The following DPP8 variants were observed in gnomAD, a reference collection of about 807,000 sequenced individuals.
The protein encoded by DPP8 is dipeptidyl peptidase 8, also known as DPP VIII.
Under a neutral mutation model 107.5 loss-of-function variants are expected in DPP8, and 31 were observed. The ratio of observed to expected loss-of-function variants is 0.29; its 90% CI spans 0.22 to 0.39. The LOEUF (loss-of-function observed/expected upper bound fraction) is 0.39. Among genes scored for constraint, DPP8 ranks in the 10% least tolerant of loss-of-function variants. DPP8 has a pLI of 1.00. For missense variants in DPP8, 842 were observed against 1,076.1 expected (o/e 0.78, Z 3.04); for synonymous variants, 381 against 356.6 (o/e 1.07, Z -0.77).
At chr15:65,476,579 G>A (rs1019436080) in intron 11 of DPP8, among the ~76,000 whole-genome samples, 2 of 152,190 alleles carry the variant, frequency 1.3e-5, no homozygotes, top group African/African-American at 2.4e-5. Context: ...TGGGGTAGCA[G>A]TAGCCACTAC....
intron 19 of DPP8, among the ~76,000 whole-genome samples, chr15:65,448,125 C>T (rs1057478648): frequency 1.6e-4 from 24 of 152,140 alleles, no homozygotes; most frequent in African/African-American, 5.1e-4. Context: ...AGCCCATTCC[C>T]TGTAGTCTCA....
intron 1 of DPP8, chr15:65,515,715 A>G (rs753981560): frequency 3.7e-6 from 6 of 1,612,202 alleles, no homozygotes; most frequent in Non-Finnish European, 5.1e-6. Flanking sequence ...TTTTCAAGTG[A>G]CTCGACTTCA....
intron 12 of DPP8, among the ~76,000 whole-genome samples, chr15:65,470,113 T>C (rs1303916923): frequency 7.0e-5 from 10 of 143,630 alleles, no homozygotes; most frequent in Admixed American, 1.5e-4. Context: ...GAGAATCACT[T>C]GAACCTAGGA....
chr15:65,475,910 G>T (rs1425809264), intron 11 of DPP8, among the ~76,000 whole-genome samples: 1 of 152,006 alleles, frequency 6.6e-6, no homozygotes, highest in South Asian at 2.1e-4. Context: ...CACCACACTT[G>T]GTTAATTTTT....
At chr15:65,505,978 T>C (rs1313498559) in intron 3 of DPP8, among the ~76,000 whole-genome samples, 2 of 148,046 alleles carry the variant, frequency 1.4e-5, no homozygotes, top group African/African-American at 2.5e-5. Context: ...TTAGTTGTTA[T>C]AAAAGTTTTT....
At position 65,446,798 on chromosome 15, in the gene DPP8, T is replaced by C. The variant is rs918527857; in HGVS notation, c.*86A>G. The stretch of plus-strand genomic sequence containing the variant: ...TTACATGGCAGGTATCAAAATGTGA[T>C]GATCAATTCTGTGTTTTCTGTTGAT... On this transcript the variant is annotated 3_prime_UTR_variant, in exon 20 of 20. Transcript: ENST00000300141. 3.0e-6 allele frequency: 4 copies of C among 1,339,742 alleles called. No homozygotes were observed. Among genetic ancestry groups the C allele is most frequent in the South Asian group, 1.5e-5 (1 of 65,346 alleles). The allele number at this position is 1,339,742 out of a possible 1,614,324, so 83.0% of individuals were successfully genotyped here.
intron 11 of DPP8, chr15:65,475,200 T>C (rs923825463): frequency 4.4e-6 from 2 of 458,866 alleles, no homozygotes; most frequent in African/African-American, 2.0e-5. Flanking sequence ...GTGATATTTC[T>C]GCCAGGATAC....
intron 19 of DPP8, among the ~76,000 whole-genome samples, chr15:65,447,987 CAGA>C (rs982314196): frequency 6.6e-6 from 1 of 152,080 alleles, no homozygotes; most frequent in African/African-American, 2.4e-5. Flanking sequence ...CAGTATTTTC[CAGA>C]AGGCCAATGC....
intron 2 of DPP8, among the ~76,000 whole-genome samples, chr15:65,511,430 A>G (rs879484903): frequency 1.3e-5 from 2 of 149,498 alleles, no homozygotes; most frequent in African/African-American, 4.9e-5. Flanking sequence ...CGAAGTTTTT[A>G]AAAAAAAAAT....
chr15:65,490,444 A>G, intron 5 of DPP8, 145 bp from the exon 6 acceptor site: 1 of 656,598 alleles, frequency 1.5e-6, no homozygotes, highest in East Asian at 2.7e-5. Context: ...TCTGGGGTCC[A>G]TAATGTCTGA....
intron 12 of DPP8, 105 bp downstream of exon 12, chr15:65,474,104 C>A: frequency 1.2e-6 from 1 of 860,826 alleles, no homozygotes; most frequent in South Asian, 1.4e-5. Context: ...GACTCTGTCT[C>A]GGAAAAAAAA....
rs1237145056 is a variant in DPP8 at position 65,467,355 on chromosome 15, T to A, written c.1537-132A>T. On this transcript the variant is annotated intron_variant, in intron 12 of 19. Coordinates refer to ENST00000300141, the MANE Select transcript of DPP8 (RefSeq NM_130434.5). ...TTTTTTCTTTTTTTTGCTGCCACTA[T>A]TAATAAACCTGAGTTAATTTTGCTT... 4 of 795,270 alleles carry A rather than the reference T, an allele frequency of 5.0e-6. No homozygotes were observed. In the East Asian group the frequency reaches 1.1e-4, roughly 21 times the overall value. The allele number at this position is 795,270 out of a possible 1,614,324, so 49.3% of individuals were successfully genotyped here. A position where few individuals can be genotyped will look rare whatever the true frequency, so the allele number is the denominator to read the frequency against.
At chr15:65,454,220 T>A in intron 17 of DPP8, 43 bp downstream of exon 17, 1 of 1,378,652 alleles carries the variant, frequency 7.3e-7, no homozygotes, top group Non-Finnish European at 9.5e-7. Flanking sequence ...TACAGAAAAA[T>A]CTACCCTTAT....
chr15:65,449,977 T>A lies in DPP8; in HGVS notation c.2526+1022A>T, dbSNP rs186632760. Among the ~76,000 whole-genome samples the A allele has an allele frequency of 2.1e-3, 218 of 103,704 alleles. No homozygotes were observed. The East Asian group carries it at 0.022, about 11-fold the overall frequency. The allele number at this position is 103,704 out of a possible 152,430, so 68.0% of individuals were successfully genotyped here. On this transcript the variant is annotated intron_variant, in intron 19 of 19. Coordinates refer to ENST00000300141, the MANE Select transcript of DPP8 (RefSeq NM_130434.5). ...ATAGTTTATTATTATTATTATTATT[T>A]TTTTTTTGAGACGGAGTTTCACTCT... is the stretch of plus-strand genomic sequence containing the variant.
intron 5 of DPP8, among the ~76,000 whole-genome samples, chr15:65,494,996 G>C (rs990850678): frequency 1.3e-5 from 2 of 152,096 alleles, no homozygotes; most frequent in African/African-American, 4.8e-5. Flanking sequence ...CCACTCAACT[G>C]TTAAAAACCT....
At chr15:65,461,995 G>T (rs1024851793) in intron 15 of DPP8, among the ~76,000 whole-genome samples, 4 of 151,736 alleles carry the variant, frequency 2.6e-5, no homozygotes, top group African/African-American at 9.7e-5. Context: ...TTGAGACAGG[G>T]TCTTACTCTG....
At chr15:65,451,822 G>C in intron 18 of DPP8, 138 bp downstream of exon 18, 2 of 821,682 alleles carry the variant, frequency 2.4e-6, no homozygotes, top group Non-Finnish European at 1.8e-6. Flanking sequence ...GCTACTCGGG[G>C]GCTGAGGTGG....
rs778263996 is a variant in DPP8, at chr15:65,456,242, C to A, written c.2101G>T (p.Ala701Ser). The A allele has an allele frequency of 2.5e-6, 4 of 1,607,988 alleles. No individual in the cohort carries two copies. Among genetic ancestry groups the A allele is most frequent in the Non-Finnish European group, 2.5e-6 (3 of 1,178,612 alleles). ...SCHRGLKFEGAFKYKMGQIEI... is the reference protein window; with the variant it reads ...SCHRGLKFEGSFKYKMGQIEI... ...TCACACACCATTTTATATTTAAAGG[C>A]GCCTTCAAATTTAAGCCCTCGGTGA... Residue 701 changes from alanine (A) to serine (S), a missense_variant, in exon 16 of 20, where the codon GCC becomes TCC. Transcript: ENST00000300141.
intron 11 of DPP8, among the ~76,000 whole-genome samples, chr15:65,477,322 G>C (rs1016288378): frequency 6.6e-6 from 1 of 151,988 alleles, no homozygotes. Context: ...TTGAACCCGG[G>C]AGGCGGAGGT....
Sources: allele counts gnomAD v4.1 joint callset (sites outside exome capture counted in the v4.1 genomes callset), GRCh38; gene constraint gnomAD v4.1.1; transcripts MANE v1.5; gene names NCBI Gene and HGNC (gene_info 2026-07-23, HGNC 2026-07-21).